Variants in RBBP4 observed in about 807,000 individuals in gnomAD.
The protein encoded by RBBP4 is histone-binding protein RBBP4.
In RBBP4, 3 loss-of-function variants were observed where a neutral mutation model predicts 57.2. That is an observed-to-expected ratio of 0.05 (90% CI 0.02 to 0.14). The LOEUF (loss-of-function observed/expected upper bound fraction) is 0.14, where lower values mean the gene tolerates loss of function less well. RBBP4 is among the 10% of genes least tolerant of loss of function. The probability of loss-of-function intolerance (pLI) is 1.00; values close to 1 mark genes in which losing one functional copy is unlikely to be tolerated. For missense variants in RBBP4, 107 were observed against 520.6 expected (o/e 0.21, Z 7.73); for synonymous variants, 151 against 171.5 (o/e 0.88, Z 0.93).
Position 32,672,497 on chromosome 1 carries a change from T to G in RBBP4, c.1014T>G (p.Thr338=). Reference sequence around the variant, plus strand: ...AGACTATTTTAGCTTCCAGTGGTACTGATCGCAGACTGAATGTCTGGGATT... The same window carrying G: ...AGACTATTTTAGCTTCCAGTGGTACGGATCGCAGACTGAATGTCTGGGATT... ...HNETILASSG[T]DRRLNVWDLS... Residue 338 remains threonine, a synonymous_variant, in exon 9 of 12, where the codon ACT becomes ACG. Transcript: ENST00000373493. 1 of 1,611,298 alleles carries G rather than the reference T, an allele frequency of 6.2e-7. No homozygotes were observed. Among genetic ancestry groups the G allele is most frequent in the Non-Finnish European group, 8.5e-7 (1 of 1,177,480 alleles).
Position 32,651,241 on chromosome 1 carries a change from T to A in RBBP4, c.-66T>A. The A allele has an allele frequency of 5.3e-6, 8 of 1,505,672 alleles. No homozygotes were observed. Among genetic ancestry groups the A allele is most frequent in the Middle Eastern group, 2.3e-4 (1 of 4,310 alleles). 93.3% of individuals were successfully genotyped at this position (1,505,672 alleles called of 1,614,324 possible). A position where few individuals can be genotyped will look rare whatever the true frequency, so the allele number is the denominator to read the frequency against. On this transcript the variant is annotated 5_prime_UTR_variant, in exon 1 of 12. Transcript: ENST00000373493. ...TAGAGGCCGCGCGCACAGAGCGAGC[T>A]CTTGCAGCCTCCCCGCCCCTCCCGC...
intron 4 of RBBP4, 74 bp downstream of exon 4, chr1:32,668,472 T>C (rs1648744702): frequency 9.4e-6 from 13 of 1,382,604 alleles, no homozygotes; most frequent in Non-Finnish European, 1.3e-5. Flanking sequence ...GTGAGTTTAA[T>C]TGCATGTTAC....
rs1349665289 is a variant in RBBP4, at chr1:32,657,697, G to GGT, written c.310+126_310+127dup. 4 of 1,092,816 alleles carry GGT rather than the reference G, an allele frequency of 3.7e-6. No homozygotes were observed. In the East Asian group the frequency reaches 1.1e-4, roughly 30 times the overall value. The allele number at this position is 1,092,816 out of a possible 1,614,324, so 67.7% of individuals were successfully genotyped here. A position where few individuals can be genotyped will look rare whatever the true frequency, so the allele number is the denominator to read the frequency against. On this transcript the variant is annotated intron_variant, in intron 3 of 11. Transcript: ENST00000373493. ...TTGAGGGAAAGCCTGAGTTTGCAATGGTAGGTATTTATATTTATATTAGAG... is the reference window on the plus strand; with the variant it reads ...TTGAGGGAAAGCCTGAGTTTGCAATGGTGTAGGTATTTATATTTATATTAGAG...
rs980322908 is a variant in RBBP4 at position 32,651,271 on chromosome 1, C to T, written c.-36C>T. 7 of 1,505,788 alleles carry T rather than the reference C, an allele frequency of 4.6e-6. No individual in the cohort carries two copies. Among genetic ancestry groups the T allele is most frequent in the Non-Finnish European group, 6.2e-6 (7 of 1,127,750 alleles). The allele number at this position is 1,505,788 out of a possible 1,614,324, so 93.3% of individuals were successfully genotyped here. On this transcript the variant is annotated 5_prime_UTR_variant, in exon 1 of 12. Transcript: ENST00000373493. ...CAGCCTCCCCGCCCCTCCCGCAACGCTCGACCCCAGGATTCCCCCGGCTCG... is the reference window on the plus strand; with the variant it reads ...CAGCCTCCCCGCCCCTCCCGCAACGTTCGACCCCAGGATTCCCCCGGCTCG...
intron 2 of RBBP4, among the ~76,000 whole-genome samples, chr1:32,653,760 G>A (rs1039038579): frequency 2.2e-5 from 3 of 138,418 alleles, no homozygotes; most frequent in Non-Finnish European, 4.6e-5. Context: ...CCGGGTTCAC[G>A]CCATTTTCCT....
chr1:32,674,079 C>T (rs149985199), intron 11 of RBBP4, among the ~76,000 whole-genome samples: 15,720 of 152,086 alleles, frequency 0.1, 1,463 homozygotes, highest in African/African-American at 0.23. Flanking sequence ...CTGGCCTGGG[C>T]GACAGAGCGA....
Position 32,680,366 on chromosome 1 carries a change from T to C in RBBP4, c.*661T>C. 1 of 1,136,758 alleles carries C rather than the reference T, an allele frequency of 8.8e-7. No homozygotes were observed. Among genetic ancestry groups the C allele is most frequent in the Non-Finnish European group, 1.1e-6 (1 of 922,244 alleles). The allele number at this position is 1,136,758 out of a possible 1,614,324, so 70.4% of individuals were successfully genotyped here. On this transcript the variant is annotated 3_prime_UTR_variant, in exon 12 of 12. Coordinates refer to ENST00000373493, the MANE Select transcript of RBBP4 (RefSeq NM_005610.3). The stretch of plus-strand genomic sequence containing the variant: ...TTTTTTTTTGTTGTTGGTTTTTTTT[T>C]TTTTTTTTTTAACTTGGGACCACCA...
At chr1:32,672,606 T>C in intron 9 of RBBP4, 36 bp from the exon 10 acceptor site, 1 of 1,608,052 alleles carries the variant, frequency 6.2e-7, no homozygotes. Flanking sequence ...TAAGGGTAAA[T>C]CTGTTTTAAC....
chr1:32,664,072 G>A (rs1018380322), intron 3 of RBBP4, among the ~76,000 whole-genome samples: 4 of 150,598 alleles, frequency 2.7e-5, no homozygotes, highest in East Asian at 2.0e-4. Flanking sequence ...GACTACAGGC[G>A]CCCGCCACCA....
intron 11 of RBBP4, among the ~76,000 whole-genome samples, chr1:32,674,423 T>TGGGG (rs1649007629): frequency 6.6e-6 from 1 of 152,074 alleles, no homozygotes; most frequent in African/African-American, 2.4e-5. Context: ...TTTGTAGAGA[T>TGGGG]GGGGTTTGCC....
At chr1:32,653,357 T>C (rs1355953182) in intron 2 of RBBP4, among the ~76,000 whole-genome samples, 6 of 152,230 alleles carry the variant, frequency 3.9e-5, no homozygotes, top group Non-Finnish European at 5.9e-5. Context: ...AAGTAAGTTT[T>C]CTGAATTACA....
Position 32,679,905 on chromosome 1 carries a change from C to T in RBBP4, c.*200C>T, listed in dbSNP as rs1454777672. The T allele has an allele frequency of 1.3e-5, 17 of 1,288,828 alleles. No homozygotes were observed. In the South Asian group the frequency reaches 1.5e-4, roughly 11 times the overall value. 79.8% of individuals were successfully genotyped at this position (1,288,828 alleles called of 1,614,324 possible). ...TGATTCAACAAAGCCACAGACTTAA[C>T]GTTGAAATTTTCTTCAGGAATTTTC... On this transcript the variant is annotated 3_prime_UTR_variant, in exon 12 of 12. Coordinates refer to ENST00000373493, the MANE Select transcript of RBBP4 (RefSeq NM_005610.3).
chr1:32,666,636 C>T (rs1277779174), intron 3 of RBBP4, among the ~76,000 whole-genome samples: 1 of 152,086 alleles, frequency 6.6e-6, no homozygotes, highest in Non-Finnish European at 1.5e-5. Context: ...GGATTACAGG[C>T]GTGAGCCACT....
chr1:32,656,541 C>G (rs889551716), intron 2 of RBBP4, among the ~76,000 whole-genome samples: 3 of 151,926 alleles, frequency 2.0e-5, no homozygotes, highest in Non-Finnish European at 2.9e-5. Flanking sequence ...TAGTAGAGAC[C>G]GGGTTTCATC....
intron 8 of RBBP4, among the ~76,000 whole-genome samples, chr1:32,671,703 T>TA (rs1648883127): frequency 6.6e-6 from 1 of 151,082 alleles, no homozygotes; most frequent in East Asian, 2.0e-4. Flanking sequence ...TCTTTTTTTT[T>TA]TTGATACCAG....
intron 5 of RBBP4, 33 bp downstream of exon 5, chr1:32,668,887 G>A: frequency 1.9e-6 from 3 of 1,612,704 alleles, no homozygotes; most frequent in Non-Finnish European, 2.5e-6. Context: ...AGCAAATCTG[G>A]GCTAGTTACC....
intron 3 of RBBP4, among the ~76,000 whole-genome samples, chr1:32,662,707 C>G (rs977361473): frequency 6.6e-6 from 1 of 151,884 alleles, no homozygotes; most frequent in Non-Finnish European, 1.5e-5. Context: ...ATATCTCAGC[C>G]CAGGCGCAGT....
In RBBP4 at chr1:32,672,429, TTTC is replaced by T; in HGVS notation, c.967-17_967-15del. The T allele has an allele frequency of 6.5e-7, 1 of 1,533,634 alleles. No homozygotes were observed. The highest frequency in any genetic ancestry group is 8.9e-7 in the Non-Finnish European group (1 of 1,124,940). ...ATTTTCTAATTCATGGCTTTGCTCT[TTTC>T]TTCATTCCTATGTGTAGGTTCAGTG... On this transcript the variant is annotated intron_variant, in intron 8 of 11. Transcript: ENST00000373493.
intron 2 of RBBP4, among the ~76,000 whole-genome samples, chr1:32,654,394 T>C (rs147850961): frequency 1.3e-3 from 191 of 152,250 alleles, no homozygotes; most frequent in African/African-American, 4.0e-3. Flanking sequence ...AAAGAACTTG[T>C]GGCAGAGTAC....
Sources: allele counts gnomAD v4.1 joint callset (sites outside exome capture counted in the v4.1 genomes callset), GRCh38; gene constraint gnomAD v4.1.1; transcripts MANE v1.5; gene names NCBI Gene and HGNC (gene_info 2026-07-23, HGNC 2026-07-21).